Variants in NT5C2 observed in about 807,000 individuals in gnomAD.
The protein encoded by NT5C2 is cytosolic purine 5'-nucleotidase.
In NT5C2, 58 loss-of-function variants were observed where a neutral mutation model predicts 76.1. The observed-to-expected ratio is 0.76, with a 90% CI of 0.62 to 0.95. NT5C2 has a LOEUF of 0.95. Ranked by LOEUF, NT5C2 falls within the 40% of genes least tolerant of loss-of-function variation. NT5C2 has a pLI of 0.00. For synonymous variants in NT5C2, 229 were observed against 237.4 expected (o/e 0.96, Z 0.32); for missense variants, 478 against 690.3 (o/e 0.69, Z 3.45).
chr10:103,091,211 T>G (rs1314193530), intron 16 of NT5C2, among the ~76,000 whole-genome samples: 1 of 152,168 alleles, frequency 6.6e-6, no homozygotes, highest in Non-Finnish European at 1.5e-5. Context: ...ACTTTTTGTA[T>G]TTCTGGTAGA....
chr10:103,119,824 G>A (rs923989685), intron 4 of NT5C2, among the ~76,000 whole-genome samples: 3 of 152,088 alleles, frequency 2.0e-5, no homozygotes, highest in Non-Finnish European at 4.4e-5. Context: ...GGCGTGGCCA[G>A]TTGCAGTCTC....
In NT5C2 at chr10:103,163,814, C is replaced by T. The variant is rs1190870046; in HGVS notation, c.101+11044G>A. Among the ~76,000 whole-genome samples the T allele has an allele frequency of 2.2e-5, 3 of 136,166 alleles. No individual in the cohort carries two copies. The East Asian group carries it at 6.7e-4, about 30-fold the overall frequency. The allele number at this position is 136,166 out of a possible 152,430, so 89.3% of individuals were successfully genotyped here. A position where few individuals can be genotyped will look rare whatever the true frequency, so the allele number is the denominator to read the frequency against. On this transcript the variant is annotated intron_variant, in intron 3 of 18. Transcript: ENST00000404739. ...GGTGAATCACTTGAGGTCAGGAGTTCAAGACCAGCCTGGCCAACATAGTGA... is the reference window on the plus strand; with the variant it reads ...GGTGAATCACTTGAGGTCAGGAGTTTAAGACCAGCCTGGCCAACATAGTGA...
At chr10:103,183,275 A>ATATATATTATATATATATATATAT (rs1554841687) in intron 1 of NT5C2, among the ~76,000 whole-genome samples, 2 of 104,934 alleles carry the variant, frequency 1.9e-5, no homozygotes, top group African/African-American at 6.4e-5. Context: ...ATATATATAT[A>ATATATATTATATATATATATATAT]TATATATATA....
chr10:103,107,352 G>C (rs930857696), intron 4 of NT5C2, among the ~76,000 whole-genome samples: 8 of 152,126 alleles, frequency 5.3e-5, no homozygotes, highest in Non-Finnish European at 8.8e-5. Context: ...GTGACAATTA[G>C]GGAAATCTAA....
intron 4 of NT5C2, among the ~76,000 whole-genome samples, chr10:103,127,866 T>C (rs1002721391): frequency 6.6e-6 from 1 of 151,878 alleles, no homozygotes; most frequent in African/African-American, 2.4e-5. Flanking sequence ...TACACCTGGC[T>C]AATTTTTATA....
At chr10:103,110,465 A>C (rs1701946545) in intron 4 of NT5C2, among the ~76,000 whole-genome samples, 2 of 152,170 alleles carry the variant, frequency 1.3e-5, no homozygotes, top group Admixed American at 1.3e-4. Flanking sequence ...CAAAAAGCAA[A>C]CAAACAAAAG....
rs1408270415 is a variant in NT5C2 at position 103,095,994 on chromosome 10, T to A, written c.772-14A>T. ...AGTCATAATTTTCTGGAAAAAAAAA[T>A]TTAACATAAGGTCCATATACTACTT... is the stretch of plus-strand genomic sequence containing the variant. On this transcript the variant is annotated splice_polypyrimidine_tract_variant and intron_variant, in intron 11 of 18. Coordinates refer to ENST00000404739, the MANE Select transcript of NT5C2 (RefSeq NM_001351169.2). 7 of 1,603,090 alleles carry A rather than the reference T, an allele frequency of 4.4e-6. No homozygotes were observed. The highest frequency in any genetic ancestry group is 2.2e-5 in the South Asian group (2 of 90,832).
chr10:103,090,475 G>GCAAC (rs2066479737), intron 18 of NT5C2, 136 bp downstream of exon 18: 1 of 689,670 alleles, frequency 1.4e-6, no homozygotes, highest in Non-Finnish European at 2.4e-6. Context: ...CCCTTCTTAT[G>GCAAC]CAACCATATA....
chr10:103,094,878 C>A, intron 12 of NT5C2, among the ~76,000 whole-genome samples: 1 of 45,366 alleles, frequency 2.2e-5, no homozygotes, highest in Non-Finnish European at 6.8e-5. Context: ...AAGACTCCAT[C>A]TCAAAAAAAA....
At chr10:103,112,919 T>C (rs1403927003) in intron 4 of NT5C2, among the ~76,000 whole-genome samples, 1 of 152,176 alleles carries the variant, frequency 6.6e-6, no homozygotes, top group African/African-American at 2.4e-5. Context: ...TCTTTCCAAT[T>C]ATCATATAAA....
chr10:103,145,049 G>A (rs1292746862), intron 3 of NT5C2, among the ~76,000 whole-genome samples: 1 of 152,056 alleles, frequency 6.6e-6, no homozygotes, highest in African/African-American at 2.4e-5. Context: ...GAGGGGAGGC[G>A]CAGTGTGGAA....
At chr10:103,096,516 A>G (rs1272199105) in intron 11 of NT5C2, among the ~76,000 whole-genome samples, 1 of 152,118 alleles carries the variant, frequency 6.6e-6, no homozygotes, top group African/African-American at 2.4e-5. Context: ...GTTTTTCCAC[A>G]TGCTTTAATC....
At chr10:103,127,994 C>G (rs1164641359) in intron 4 of NT5C2, among the ~76,000 whole-genome samples, 3 of 151,756 alleles carry the variant, frequency 2.0e-5, no homozygotes, top group African/African-American at 7.3e-5. Flanking sequence ...GTACCCATAC[C>G]CACCCCCTGC....
intron 2 of NT5C2, among the ~76,000 whole-genome samples, chr10:103,178,589 T>C (rs989334327): frequency 1.6e-4 from 24 of 152,016 alleles, no homozygotes; most frequent in African/African-American, 5.8e-4. Flanking sequence ...TCCCAGCACT[T>C]TGGGAGGCTA....
intron 9 of NT5C2, among the ~76,000 whole-genome samples, chr10:103,099,496 AAC>A (rs1251139225): frequency 5.3e-5 from 8 of 152,220 alleles, no homozygotes; most frequent in African/African-American, 1.9e-4. Flanking sequence ...CAAAATATAA[AAC>A]AGTTTCTATT....
Position 103,189,412 on chromosome 10 carries a change from C to T in NT5C2, c.-169+3824G>A, listed in dbSNP as rs558322606. ...CATGAGGTAAAGAGATTGAGACCAT[C>T]CTGGCCAACATGGTGAAACCCCATC... On this transcript the variant is annotated intron_variant, in intron 1 of 18. Coordinates refer to ENST00000404739, the MANE Select transcript of NT5C2 (RefSeq NM_001351169.2). 2.6e-5 allele frequency among the ~76,000 whole-genome samples: 4 copies of T among 151,940 alleles called. No homozygotes were observed. The South Asian group carries it at 8.3e-4, about 32-fold the overall frequency.
chr10:103,129,819 G>A (rs1443429317), intron 4 of NT5C2, among the ~76,000 whole-genome samples: 7 of 88,578 alleles, frequency 7.9e-5, no homozygotes, highest in Non-Finnish European at 6.9e-5. Flanking sequence ...CTGCCCGGCC[G>A]CCCCTACTGG....
At chr10:103,094,191 TTGAC>T (rs1434943608) in intron 13 of NT5C2, among the ~76,000 whole-genome samples, 153 bp from the exon 14 acceptor site, 2 of 151,190 alleles carry the variant, frequency 1.3e-5, no homozygotes, top group African/African-American at 4.9e-5. Flanking sequence ...GTGGGTTTGT[TTGAC>T]TGTTTCAGTT....
At chr10:103,138,805 G>A (rs544831445) in intron 4 of NT5C2, among the ~76,000 whole-genome samples, 13 of 152,250 alleles carry the variant, frequency 8.5e-5, no homozygotes, top group African/African-American at 2.9e-4. Context: ...TCAGGAGTTC[G>A]AGATCAGCCT....
Sources: gnomAD v4.1 joint callset for allele counts (sites outside exome capture counted in the v4.1 genomes callset) on GRCh38, gnomAD v4.1.1 for gene constraint, MANE v1.5 for transcripts, NCBI Gene and HGNC (gene_info 2026-07-23, HGNC 2026-07-21) for gene names.